UEVLD: variants seen among roughly 807,000 people sequenced by gnomAD.
The protein encoded by UEVLD is ubiquitin-conjugating enzyme E2 variant 3.
In UEVLD, 47 loss-of-function variants were observed where a neutral mutation model predicts 58.6. The ratio of observed to expected loss-of-function variants is 0.80; its 90% confidence interval spans 0.63 to 1.02. The LOEUF (loss-of-function observed/expected upper bound fraction) is 1.02. UEVLD is among the 50% of genes least tolerant of loss of function. UEVLD has a pLI of 0.00. For missense variants in UEVLD, 510 were observed against 550.6 expected (o/e 0.93, Z 0.74); for synonymous variants, 197 against 195.3 (o/e 1.01, Z -0.07).
At chr11:18,579,509 T>A (rs769735378) in intron 1 of UEVLD, 118 of 985,264 alleles carry the variant, frequency 1.2e-4, no homozygotes, top group Non-Finnish European at 1.4e-4. Flanking sequence ...TTGGCACGGC[T>A]CATTCACTTG....
chr11:18,535,635 C>A (rs182713519), intron 10 of UEVLD, among the ~76,000 whole-genome samples: 158 of 152,238 alleles, frequency 1.0e-3, no homozygotes, highest in African/African-American at 3.6e-3. Context: ...AGTATAAATT[C>A]TGTGTAGAGT....
At chr11:18,561,378 G>A (rs1852024160) in intron 6 of UEVLD, among the ~76,000 whole-genome samples, 1 of 151,976 alleles carries the variant, frequency 6.6e-6, no homozygotes, top group Non-Finnish European at 1.5e-5. Flanking sequence ...TGCATCACCT[G>A]AGGTCAGGAG....
intron 9 of UEVLD, among the ~76,000 whole-genome samples, chr11:18,539,882 GGCTGTA>G (rs1335099178): frequency 6.6e-6 from 1 of 152,176 alleles, no homozygotes; most frequent in Non-Finnish European, 1.5e-5. Flanking sequence ...TTCCTCCCTA[GGCTGTA>G]GCTGTCACTT....
chr11:18,530,435 T>A lies in UEVLD; in HGVS notation c.*1885A>T, dbSNP rs1850520748. The stretch of plus-strand genomic sequence containing the variant: ...TCTTTATGACTAAAGTTCATCATTA[T>A]AAGCATTCCTTATTACACTAAAACA... On this transcript the variant is annotated 3_prime_UTR_variant, in exon 12 of 12. Coordinates refer to ENST00000396197, the MANE Select transcript of UEVLD (RefSeq NM_001040697.4). The A allele has an allele frequency of 6.6e-6, 1 of 152,250 alleles. No homozygotes were observed. Among genetic ancestry groups the A allele is most frequent in the Non-Finnish European group, 1.5e-5 (1 of 68,042 alleles). 9.4% of individuals were successfully genotyped at this position (152,250 alleles called of 1,614,324 possible). A position where few individuals can be genotyped will look rare whatever the true frequency, so the allele number is the denominator to read the frequency against.
intron 1 of UEVLD, among the ~76,000 whole-genome samples, chr11:18,581,543 G>C (rs1382896624): frequency 6.6e-6 from 1 of 152,076 alleles, no homozygotes; most frequent in Non-Finnish European, 1.5e-5. Context: ...AATTAGCCAG[G>C]CATGCTGGCA....
chr11:18,560,073 T>C (rs1851939950), intron 6 of UEVLD, among the ~76,000 whole-genome samples: 1 of 73,556 alleles, frequency 1.4e-5, no homozygotes, highest in African/African-American at 4.2e-5. Context: ...CTGGGCAACA[T>C]GGCAAAACCC....
intron 11 of UEVLD, 60 bp downstream of exon 11, chr11:18,534,266 TGTTA>T: frequency 8.1e-7 from 1 of 1,236,034 alleles, no homozygotes; most frequent in Non-Finnish European, 1.1e-6. Context: ...ATAATGATTT[TGTTA>T]GTTTTGTATT....
intron 7 of UEVLD, among the ~76,000 whole-genome samples, chr11:18,552,774 T>G (rs1265027745): frequency 9.2e-5 from 14 of 151,644 alleles, no homozygotes; most frequent in East Asian, 7.7e-4. Flanking sequence ...GGCAAGAGAA[T>G]CGCTTGAACC....
At chr11:18,569,010 T>A (rs900132328) in intron 4 of UEVLD, among the ~76,000 whole-genome samples, 4 of 152,150 alleles carry the variant, frequency 2.6e-5, no homozygotes, top group Admixed American at 2.6e-4. Flanking sequence ...TTCTACTGCC[T>A]CAGCCTCCCA....
Position 18,576,821 on chromosome 11 carries a change from T to TC in UEVLD, c.128-1410dup, listed in dbSNP as rs1382368121. 3.3e-5 allele frequency among the ~76,000 whole-genome samples: 5 copies of TC among 152,128 alleles called. No individual in the cohort carries two copies. In the East Asian group the frequency reaches 9.7e-4, roughly 29 times the overall value. ...AATCAGCACTCCTGGCTCACTGGCT[T>TC]CCCCCCACCCACCAAGCTGTCATTA... On this transcript the variant is annotated intron_variant, in intron 2 of 11. Transcript: ENST00000396197.
In UEVLD at chr11:18,551,812, G is replaced by T. The variant is rs1851542651; in HGVS notation, c.716-4762C>A. The stretch of plus-strand genomic sequence containing the variant: ...GGTCTACAACCTAAACCAAAGGCTG[G>T]TCACAGTTATACTAAGGGATGATCA... On this transcript the variant is annotated intron_variant, in intron 7 of 11. Transcript: ENST00000396197. Among the ~76,000 whole-genome samples, 4 of 152,276 alleles carry T rather than the reference G, an allele frequency of 2.6e-5. No individual in the cohort carries two copies. The South Asian group carries it at 8.3e-4, about 32-fold the overall frequency.
intron 6 of UEVLD, among the ~76,000 whole-genome samples, chr11:18,562,558 A>T (rs1852092783): frequency 6.6e-6 from 1 of 150,802 alleles, no homozygotes. Flanking sequence ...AAAAAAAAAA[A>T]ATTTTTTTTG....
chr11:18,547,935 T>C (rs1851370819), intron 7 of UEVLD, among the ~76,000 whole-genome samples: 3 of 152,196 alleles, frequency 2.0e-5, no homozygotes, highest in Non-Finnish European at 4.4e-5. Context: ...TTTTTTTTAA[T>C]AAAGAGACAA....
chr11:18,572,502 G>C lies in UEVLD; in HGVS notation c.194-2125C>G, dbSNP rs536651198. On this transcript the variant is annotated intron_variant, in intron 3 of 11. Transcript: ENST00000396197. ...CACTAATAAAACTAGTTAACTAAAA[G>C]AGAGTAATAAAGGCAGACAAGGCTG... Among the ~76,000 whole-genome samples the C allele has an allele frequency of 3.3e-5, 5 of 152,084 alleles. No individual in the cohort carries two copies. The South Asian group carries it at 6.2e-4, about 19-fold the overall frequency.
chr11:18,586,506 C>T (rs539836563), intron 1 of UEVLD, among the ~76,000 whole-genome samples: 4 of 152,036 alleles, frequency 2.6e-5, no homozygotes, highest in Admixed American at 6.6e-5. Flanking sequence ...CGTGAGCTAC[C>T]GTGCCTGGCC....
intron 5 of UEVLD, among the ~76,000 whole-genome samples, chr11:18,566,074 T>A (rs536943507): frequency 6.6e-6 from 1 of 151,856 alleles, no homozygotes; most frequent in South Asian, 2.1e-4. Context: ...ACTTTTTTTA[T>A]TTTTAGTAGA....
chr11:18,561,809 G>A lies in UEVLD; in HGVS notation c.612+3083C>T, dbSNP rs113239839. On this transcript the variant is annotated intron_variant, in intron 6 of 11. Transcript: ENST00000396197. The stretch of plus-strand genomic sequence containing the variant: ...ATCACGCCACTGCAATCCAGCCTGG[G>A]GAACAGGGCGAGACTTCGTCTCAAA... Among the ~76,000 whole-genome samples, 1,096 of 150,810 alleles carry A rather than the reference G, an allele frequency of 7.3e-3. 13 individuals are homozygous for A. The highest frequency in any genetic ancestry group is 0.026 in the African/African-American group (1,045 of 40,888).
At chr11:18,550,468 G>C (rs1044400638) in intron 7 of UEVLD, among the ~76,000 whole-genome samples, 15 of 152,198 alleles carry the variant, frequency 9.9e-5, no homozygotes, top group African/African-American at 3.6e-4. Flanking sequence ...TACAAGCTCT[G>C]GGGGAACAGG....
chr11:18,533,624 A>C (rs192049752), intron 11 of UEVLD, among the ~76,000 whole-genome samples: 1 of 152,218 alleles, frequency 6.6e-6, no homozygotes, highest in Non-Finnish European at 1.5e-5. Flanking sequence ...TTATGGATAT[A>C]TAAACACTAT....
Sources: gnomAD v4.1 joint callset for allele counts (sites outside exome capture counted in the v4.1 genomes callset) on GRCh38, gnomAD v4.1.1 for gene constraint, MANE v1.5 for transcripts, NCBI Gene and HGNC (gene_info 2026-07-23, HGNC 2026-07-21) for gene names.